Variants in KCNC4 observed in about 807,000 individuals in gnomAD.
KCNC4 encodes the protein voltage-gated potassium channel KCNC4.
KCNC4 carries 23 observed loss-of-function variants against 42.8 expected under a neutral mutation model. The ratio of observed to expected loss-of-function variants is 0.54; its 90% CI spans 0.39 to 0.76. The LOEUF (loss-of-function observed/expected upper bound fraction) is 0.76. KCNC4 is among the 30% of genes least tolerant of loss of function. KCNC4 has a pLI of 0.00. For synonymous variants in KCNC4, 422 were observed against 393.5 expected (o/e 1.07, Z -0.86); for missense variants, 751 against 898.2 (o/e 0.84, Z 2.10).
At chr1:110,225,741 C>T (rs890222241) in intron 2 of KCNC4, 27 of 534,440 alleles carry the variant, frequency 5.1e-5, no homozygotes, top group African/African-American at 4.0e-4. Flanking sequence ...TGGCTTCATC[C>T]CTGAGGAGAG....
downstream of KCNC4, chr1:110,238,056 C>T (rs1423931835): frequency 6.6e-6 from 1 of 152,252 alleles, no homozygotes; most frequent in Non-Finnish European, 1.5e-5. Context: ...ACTCTGGGGA[C>T]AAGGCTGTCT....
chr1:110,256,189 T>G (rs1353565356), intron 1 of KCNC4, among the ~76,000 whole-genome samples: 1 of 152,164 alleles, frequency 6.6e-6, no homozygotes, highest in Non-Finnish European at 1.5e-5. Flanking sequence ...TCCTCCTGCA[T>G]TCGACAAACA....
chr1:110,224,728 C>G (rs1658295666), intron 2 of KCNC4: 1 of 152,268 alleles, frequency 6.6e-6, no homozygotes, highest in Non-Finnish European at 1.5e-5. Flanking sequence ...TGGAAAACTG[C>G]TTAATCCCCA....
In KCNC4 at chr1:110,223,339, GTGCGCATCC is replaced by G; in HGVS notation, c.1059_1067del (p.Leu355_Ile357del). 6.2e-7 allele frequency: 1 copy of G among 1,613,922 alleles called. No individual in the cohort carries two copies. On this transcript the variant is annotated inframe_deletion, in exon 2 of 4. Coordinates refer to ENST00000438661, the MANE Select transcript of KCNC4 (RefSeq NM_001039574.3). The surrounding 1 kb of genome is among the most constrained non-coding windows in gnomAD (Gnocchi z 7.5). ...GGGCTTCCTGCGCGTGGTGCGCTTC[GTGCGCATCC>G]TGCGTATCTTCAAGCTCACACGCCA...
Position 110,226,169 on chromosome 1 carries a change from G to A in KCNC4, c.1810G>A (p.Val604Ile). The A allele has an allele frequency of 6.2e-7, 1 of 1,614,110 alleles. No homozygotes were observed. The highest frequency in any genetic ancestry group is 1.1e-5 in the South Asian group (1 of 91,070). The part of the protein sequence containing the change: ...TGDYACADGS[V>I]RKETCQDALS... ...GGACTATGCCTGCGCCGATGGTAGT[G>A]TCCGGAAAGGTATGGCTTCCCAAGC... The change falls in exon 3 of 4, where the codon GTC (valine) becomes ATC (isoleucine). Residue 604 changes from valine to isoleucine, a missense_variant. Val to Ile is a conservative substitution (Grantham distance 29). Transcript: ENST00000438661.
In KCNC4 at chr1:110,240,319, C is replaced by T. The variant is rs535595889; in HGVS notation, c.*8010C>T. The stretch of plus-strand genomic sequence containing the variant: ...CCCAGGCTGCCCGGAGCAGGAGAGA[C>T]TGCTCCTGAAGAGACTTCTGCAGGG... On this transcript the variant is annotated 3_prime_UTR_variant, in exon 4 of 4. Coordinates refer to the KCNC4 transcript ENST00000369787. 2.0e-5 allele frequency: 3 copies of T among 152,344 alleles called. No homozygotes were observed. In the East Asian group the frequency reaches 5.8e-4, roughly 29 times the overall value. 9.4% of individuals were successfully genotyped at this position (152,344 alleles called of 1,614,324 possible). A position where few individuals can be genotyped will look rare whatever the true frequency, so the allele number is the denominator to read the frequency against.
chr1:110,266,694 C>T (rs974561548), intron 1 of KCNC4, among the ~76,000 whole-genome samples: 22 of 152,178 alleles, frequency 1.4e-4, no homozygotes, highest in African/African-American at 4.8e-4. Flanking sequence ...ATAAGTCTGC[C>T]ACAGCTGTTG....
chr1:110,236,989 T>A (rs1186991044), downstream of KCNC4: 1 of 152,154 alleles, frequency 6.6e-6, no homozygotes, highest in Non-Finnish European at 1.5e-5. Context: ...AAGAACCTTA[T>A]TTTCTGTTGT....
At chr1:110,282,280 C>A (rs1156499626) in intron 1 of KCNC4, among the ~76,000 whole-genome samples, 2 of 152,210 alleles carry the variant, frequency 1.3e-5, no homozygotes, top group African/African-American at 4.8e-5. Context: ...TCTGCCCCAC[C>A]TGTGATGACT....
intron 1 of KCNC4, among the ~76,000 whole-genome samples, chr1:110,263,659 T>C (rs906962748): frequency 3.3e-5 from 5 of 152,144 alleles, no homozygotes; most frequent in Admixed American, 1.3e-4. Context: ...AGAGGGTACA[T>C]TTCATATGGG....
chr1:110,223,140 G>T lies in KCNC4; in HGVS notation c.855G>T (p.Glu285Asp). Residue 285 changes from glutamate (E) to aspartate (D), a missense_variant, in exon 2 of 4, where the codon GAG (glutamate) becomes GAT (aspartate). This residue lies in a region of KCNC4 where 181 missense variants were observed against 167.3 expected (regional missense o/e 1.08). Transcript: ENST00000438661. This position sits in a 1 kb window ranked among gnomAD's most constrained non-coding sequence, Gnocchi z 7.5. ...VETEPILTYIEGVCVLWFTLE... is the reference protein window; with the variant it reads ...VETEPILTYIDGVCVLWFTLE... ...CAGAGCCCATCCTGACCTACATCGA[G>T]GGCGTATGTGTGCTGTGGTTCACAC... The T allele has an allele frequency of 6.2e-7, 1 of 1,614,208 alleles. No individual in the cohort carries two copies. Among genetic ancestry groups the T allele is most frequent in the Non-Finnish European group, 8.5e-7 (1 of 1,180,042 alleles).
intron 1 of KCNC4, among the ~76,000 whole-genome samples, chr1:110,266,299 C>T (rs1257706832): frequency 1.3e-5 from 2 of 152,126 alleles, no homozygotes; most frequent in African/African-American, 2.4e-5. Context: ...GCCGCAACAC[C>T]GAAACTGCAC....
downstream of KCNC4, among the ~76,000 whole-genome samples, chr1:110,251,081 G>A (rs1659242603): frequency 6.6e-6 from 1 of 152,178 alleles, no homozygotes; most frequent in African/African-American, 2.4e-5. Flanking sequence ...AGGGTGGCAG[G>A]GGAGTGCCTG....
chr1:110,226,179 G>A lies in KCNC4; in HGVS notation c.1819+1G>A, dbSNP rs1033288250. ...TGCGCCGATGGTAGTGTCCGGAAAG[G>A]TATGGCTTCCCAAGCTGGACAGGTG... On this transcript the variant is annotated splice_donor_variant, in intron 3 of 3. Transcript: ENST00000438661. LOFTEE classifies it high-confidence loss of function. 1.2e-6 allele frequency: 2 copies of A among 1,614,034 alleles called. No individual in the cohort carries two copies. Among genetic ancestry groups the A allele is most frequent in the Non-Finnish European group, 1.7e-6 (2 of 1,179,916 alleles).
In KCNC4 at chr1:110,222,438, G is replaced by C. The variant is rs139117877; in HGVS notation, c.679-526G>C. Reference sequence around the variant, plus strand: ...TAGCTTTAGGTCAAGTTTGAAATTTGTGTTTCTAACCAAAGGACCAGAGAC... The same window carrying C: ...TAGCTTTAGGTCAAGTTTGAAATTTCTGTTTCTAACCAAAGGACCAGAGAC... On this transcript the variant is annotated intron_variant, in intron 1 of 3. Transcript: ENST00000438661. 289 of 155,050 alleles carry C rather than the reference G, an allele frequency of 1.9e-3. 2 individuals are homozygous for C. Among genetic ancestry groups the C allele is most frequent in the Admixed American group, 0.014 (228 of 15,910 alleles). The allele number at this position is 155,050 out of a possible 1,614,324, so 9.6% of individuals were successfully genotyped here. A position where few individuals can be genotyped will look rare whatever the true frequency, so the allele number is the denominator to read the frequency against.
At chr1:110,258,633 T>C (rs190055852) in intron 1 of KCNC4, among the ~76,000 whole-genome samples, 1 of 152,288 alleles carries the variant, frequency 6.6e-6, no homozygotes, top group East Asian at 1.9e-4. Context: ...CCATCCTCCT[T>C]CAAATCATTC....
exon 4 of KCNC4, chr1:110,247,799 C>G (rs953321657): frequency 2.0e-5 from 3 of 152,218 alleles, no homozygotes; most frequent in African/African-American, 7.2e-5. Context: ...GATCCACCCA[C>G]CTCAGCCTCC....
chr1:110,224,026 C>T (rs1240782135), intron 2 of KCNC4, 126 bp downstream of exon 2: 6 of 791,016 alleles, frequency 7.6e-6, no homozygotes, highest in Non-Finnish European at 1.2e-5. Context: ...TAAAGATGTG[C>T]CTTTATGAGG....
intron 2 of KCNC4, chr1:110,225,672 C>T (rs1344400004): frequency 2.9e-6 from 1 of 339,202 alleles, no homozygotes; most frequent in Non-Finnish European, 5.5e-6. Flanking sequence ...GGGCTGATCT[C>T]CTGGGGCAGC....
Sources: gnomAD v4.1 joint callset for allele counts (sites outside exome capture counted in the v4.1 genomes callset) on GRCh38, gnomAD v4.1.1 for gene constraint, gnomAD v4.1.1 regional missense constraint, Gnocchi (gnomAD v3.1) non-coding constraint, MANE v1.5 for transcripts, NCBI Gene and HGNC (gene_info 2026-07-23, HGNC 2026-07-21) for gene names.